The following ARID3C variants were observed in gnomAD, a reference collection of about 807,000 sequenced individuals.
ARID3C encodes the protein AT-rich interactive domain-containing protein 3C.
A neutral mutation model predicts 37.9 loss-of-function variants in ARID3C; 42 were observed. That is an observed-to-expected ratio of 1.11 (90% CI 0.87 to 1.43). The LOEUF (loss-of-function observed/expected upper bound fraction) is 1.43. Among genes scored for constraint, ARID3C ranks in the 40% most tolerant of loss-of-function variants. The probability of loss-of-function intolerance (pLI) is 0.00; values close to 1 mark genes in which losing one functional copy is unlikely to be tolerated. For missense variants in ARID3C, 581 were observed against 548.8 expected (o/e 1.06, Z -0.59); for synonymous variants, 213 against 228.0 (o/e 0.93, Z 0.59).
chr9:34,622,706 A>G (rs1820592335), intron 4 of ARID3C, among the ~76,000 whole-genome samples, 177 bp from the exon 6 acceptor site: 1 of 152,188 alleles, frequency 6.6e-6, no homozygotes. Context: ...TTTTCTCTAG[A>G]GCCCAAAGGA....
exon 3 of ARID3C, chr9:34,623,969 T>C: frequency 6.2e-7 from 1 of 1,605,472 alleles, no homozygotes; most frequent in Non-Finnish European, 8.5e-7. Context: ...CAGGCCGCCC[T>C]TGGCGGTCAC....
intron 4 of ARID3C, among the ~76,000 whole-genome samples, chr9:34,622,874 C>G (rs376771876): frequency 6.6e-6 from 1 of 151,946 alleles, no homozygotes; most frequent in East Asian, 1.9e-4. Context: ...CCTGGCCGGG[C>G]GCGGTGACTC....
chr9:34,622,153 C>T (rs745751782), intron 5 of ARID3C, 44 bp from the exon 7 acceptor site: 38 of 1,609,328 alleles, frequency 2.4e-5, no homozygotes, highest in Non-Finnish European at 3.1e-5. Flanking sequence ...GAGAATCAGA[C>T]TTCTGACTTA....
At chr9:34,628,701 G>A (rs1356801112), upstream of ARID3C, among the ~76,000 whole-genome samples, 3 of 152,182 alleles carry the variant, frequency 2.0e-5, no homozygotes, top group African/African-American at 7.2e-5. This position sits in a 1 kb window ranked among gnomAD's most constrained non-coding sequence, Gnocchi z 5.2. Flanking sequence ...GGACAGAAGA[G>A]AGAGATTAGA....
chr9:34,621,393 C>G, exon 7 of ARID3C: 3 of 1,176,602 alleles, frequency 2.5e-6, no homozygotes, highest in Middle Eastern at 2.3e-4. Flanking sequence ...CAGAAAGAAT[C>G]AAAGCAGGGG....
chr9:34,621,591 A>G (rs769661488), intron 6 of ARID3C, 33 bp from the exon 8 acceptor site: 1 of 1,502,560 alleles, frequency 6.7e-7, no homozygotes, highest in South Asian at 1.2e-5. Context: ...GTAGAGGGCA[A>G]AAACAAGCAG....
chr9:34,629,366 C>A (rs974027780), upstream of ARID3C, among the ~76,000 whole-genome samples: 74 of 152,248 alleles, frequency 4.9e-4, no homozygotes, highest in Non-Finnish European at 3.1e-4. Flanking sequence ...ACCAACACAC[C>A]TTGTCACAAG....
At chr9:34,632,476 G>A (rs537823475), upstream of ARID3C, among the ~76,000 whole-genome samples, 78 of 152,260 alleles carry the variant, frequency 5.1e-4, no homozygotes, top group African/African-American at 1.7e-3. Flanking sequence ...TTAGGTCTCA[G>A]CAGAGAGTGA....
chr9:34,630,053 G>A (rs970594883), upstream of ARID3C, among the ~76,000 whole-genome samples: 3 of 152,140 alleles, frequency 2.0e-5, no homozygotes, highest in Admixed American at 1.3e-4. Context: ...ATGAGCTACC[G>A]TACCCAGCCT....
At chr9:34,621,469 T>G (rs748492999) in exon 7 of ARID3C, 4 of 1,527,350 alleles carry the variant, frequency 2.6e-6, no homozygotes, top group Non-Finnish European at 3.5e-6. Flanking sequence ...CAGGGCAAGA[T>G]GCTGGAAGGG....
chr9:34,627,786 G>C, exon 1 of ARID3C: 2 of 1,614,012 alleles, frequency 1.2e-6, no homozygotes, highest in Non-Finnish European at 8.5e-7. Flanking sequence ...GCCCCTGGAC[G>C]GCTCTCCTCA....
chr9:34,626,149 C>T (rs1820651811), intron 1 of ARID3C, among the ~76,000 whole-genome samples: 1 of 152,180 alleles, frequency 6.6e-6, no homozygotes, highest in African/African-American at 2.4e-5. Flanking sequence ...AAATTTAGAG[C>T]CCCAGGAAGG....
chr9:34,624,141 G>A (rs1423571552), intron 2 of ARID3C, 94 bp from the exon 4 acceptor site: 1 of 1,419,438 alleles, frequency 7.0e-7, no homozygotes, highest in African/African-American at 1.4e-5. Flanking sequence ...CCCGGGGAGG[G>A]CGGGAAAGAG....
upstream of ARID3C, chr9:34,628,215 G>A (rs183652946): frequency 4.4e-5 from 28 of 635,138 alleles, no homozygotes; most frequent in Non-Finnish European, 5.0e-5. The surrounding 1 kb of genome is among the most constrained non-coding windows in gnomAD (Gnocchi z 5.2). Flanking sequence ...GGCTTTCCCA[G>A]AGGTGAACAG....
rs945571567 is a variant in ARID3C at position 34,622,627 on chromosome 9, T to C, written c.866-98A>G. 4 of 1,230,028 alleles carry C rather than the reference T, an allele frequency of 3.3e-6. No individual in the cohort carries two copies. In the African/African-American group the frequency reaches 6.1e-5, roughly 19 times the overall value. 76.2% of individuals were successfully genotyped at this position (1,230,028 alleles called of 1,614,324 possible). ...GACCAAAAGAGGTAACTCAAGCTCA[T>C]GTACCAATCTCTCATCCTTCATTCG... On this transcript the variant is annotated intron_variant, in intron 4 of 6. Transcript: ENST00000378909.
chr9:34,624,076 A>G, intron 2 of ARID3C, 29 bp from the exon 4 acceptor site: 1 of 1,551,410 alleles, frequency 6.4e-7, no homozygotes, highest in Non-Finnish European at 8.7e-7. Context: ...CCGTCAGGAC[A>G]CTGAGACGAA....
upstream of ARID3C, among the ~76,000 whole-genome samples, chr9:34,629,929 A>G (rs374751801): frequency 1.6e-4 from 25 of 151,760 alleles, no homozygotes; most frequent in African/African-American, 6.0e-4. Flanking sequence ...GACCCGGCTA[A>G]TTTTTGTCTT....
At chr9:34,621,097 TC>T (rs1257919000), downstream of ARID3C, among the ~76,000 whole-genome samples, 2 of 152,200 alleles carry the variant, frequency 1.3e-5, no homozygotes, top group Non-Finnish European at 2.9e-5. Flanking sequence ...GAGGGATGTC[TC>T]TTTCACAGTA....
Position 34,622,541 on chromosome 9 carries a change from G to T in ARID3C, c.866-12C>A. 1 of 1,581,060 alleles carries T rather than the reference G, an allele frequency of 6.3e-7. No homozygotes were observed. Among genetic ancestry groups the T allele is most frequent in the Middle Eastern group, 1.7e-4 (1 of 5,856 alleles). On this transcript the variant is annotated splice_polypyrimidine_tract_variant and intron_variant, in intron 4 of 6. Coordinates refer to ENST00000378909, the Ensembl canonical transcript of ARID3C. Reference sequence around the variant, plus strand: ...AATTCCACTCTCCTCTAGAAGAACAGGTTATTCAGCTCCCCTGGCCAAACC... The same window carrying T: ...AATTCCACTCTCCTCTAGAAGAACATGTTATTCAGCTCCCCTGGCCAAACC...
Sources: allele counts gnomAD v4.1 joint callset (sites outside exome capture counted in the v4.1 genomes callset), GRCh38; gene constraint gnomAD v4.1.1; non-coding constraint Gnocchi (gnomAD v3.1); transcripts MANE v1.5; gene names NCBI Gene and HGNC (gene_info 2026-07-23, HGNC 2026-07-21).